STOX2: variants seen among roughly 807,000 people sequenced by gnomAD.
The protein encoded by STOX2 is storkhead-box protein 2.
Under a neutral mutation model 60.9 loss-of-function variants are expected in STOX2, and 28 were observed. The ratio of observed to expected loss-of-function variants is 0.46; its 90% CI spans 0.34 to 0.63. STOX2 has a LOEUF of 0.63. Ranked by LOEUF, STOX2 falls within the 30% of genes least tolerant of loss-of-function variation. The pLI, the probability that STOX2 is intolerant of heterozygous loss-of-function variation, is 0.01. For missense variants in STOX2, 1,024 were observed against 1,187.7 expected (o/e 0.86, Z 2.03); for synonymous variants, 472 against 463.9 (o/e 1.02, Z -0.22).
intron 1 of STOX2, among the ~76,000 whole-genome samples, chr4:183,931,593 T>C (rs556540854): frequency 6.6e-6 from 1 of 152,266 alleles, no homozygotes; most frequent in African/African-American, 2.4e-5. Flanking sequence ...ATGCAGACTA[T>C]TGTGAAAGAA....
intron 1 of STOX2, among the ~76,000 whole-genome samples, chr4:183,938,518 A>G (rs1372731308): frequency 6.6e-6 from 1 of 151,952 alleles, no homozygotes; most frequent in Admixed American, 6.5e-5. Context: ...AAAATACACA[A>G]ATTAGCTGGA....
In STOX2 at chr4:183,938,145, T is replaced by C. The variant is rs114787773; in HGVS notation, c.166+31189T>C. On this transcript the variant is annotated intron_variant, in intron 1 of 3. Transcript: ENST00000308497. ...TCCTGAGCGACAGAATGAGACCCTG[T>C]CTCAAGAAACAAAACAAAACAGTTC... Among the ~76,000 whole-genome samples, 1,367 of 152,258 alleles carry C rather than the reference T, an allele frequency of 9.0e-3. 28 individuals carry two copies. Among genetic ancestry groups the C allele is most frequent in the African/African-American group, 0.032 (1,316 of 41,542 alleles).
In STOX2 at chr4:184,001,279, C is replaced by G; in HGVS notation, c.167-46C>G. ...GTGAAGGCGTGTGTCTGACAGATGA[C>G]CGGGTCTTTTAATGAACCACTCACT... On this transcript the variant is annotated intron_variant, in intron 1 of 3. Coordinates refer to ENST00000308497, the MANE Select transcript of STOX2 (RefSeq NM_020225.3). The surrounding 1 kb of genome is among the most constrained non-coding windows in gnomAD (Gnocchi z 4.2). 1 of 1,599,978 alleles carries G rather than the reference C, an allele frequency of 6.3e-7. No individual in the cohort carries two copies. The highest frequency in any genetic ancestry group is 8.6e-7 in the Non-Finnish European group (1 of 1,169,060).
At chr4:183,820,929 C>T (rs962764100) in intron 1 of STOX2, among the ~76,000 whole-genome samples, 2 of 149,936 alleles carry the variant, frequency 1.3e-5, no homozygotes, top group Admixed American at 6.6e-5. Flanking sequence ...AGTGAGACCC[C>T]GTCTCTACAA....
chr4:183,913,509 G>A (rs903791121), intron 1 of STOX2, among the ~76,000 whole-genome samples: 2 of 152,022 alleles, frequency 1.3e-5, no homozygotes, highest in African/African-American at 4.8e-5. Context: ...GTGGTGGTTC[G>A]CGCCTATAAT....
chr4:183,934,217 C>T (rs1199712801), intron 1 of STOX2, among the ~76,000 whole-genome samples: 2 of 152,088 alleles, frequency 1.3e-5, no homozygotes, highest in Non-Finnish European at 2.9e-5. Flanking sequence ...TTAGGAGTAT[C>T]GCTTGAACCC....
chr4:183,951,078 T>C (rs7686657), intron 1 of STOX2, among the ~76,000 whole-genome samples: 5 of 151,060 alleles, frequency 3.3e-5, no homozygotes, highest in East Asian at 2.0e-4. Flanking sequence ...TAGCCGGGCG[T>C]GGTGGCGGGC....
chr4:183,883,247 C>T (rs1355543284), intron 1 of STOX2, among the ~76,000 whole-genome samples: 1 of 152,112 alleles, frequency 6.6e-6, no homozygotes, highest in African/African-American at 2.4e-5. Flanking sequence ...AATACTATTA[C>T]TAACCTAAGC....
At chr4:183,966,866 G>A (rs905650491) in intron 1 of STOX2, among the ~76,000 whole-genome samples, 3 of 152,100 alleles carry the variant, frequency 2.0e-5, no homozygotes, top group South Asian at 2.1e-4. Context: ...CAATGTCTTA[G>A]CTATTATATA....
At chr4:184,006,396 G>T (rs1277648503) in intron 2 of STOX2, among the ~76,000 whole-genome samples, 1 of 152,070 alleles carries the variant, frequency 6.6e-6, no homozygotes, top group Non-Finnish European at 1.5e-5. Flanking sequence ...CGGTGCAGAG[G>T]TGTGCCCTCA....
chr4:184,010,181 A>G lies in STOX2; in HGVS notation c.1343A>G (p.Lys448Arg), dbSNP rs755438901. 1 of 1,555,852 alleles carries G rather than the reference A, an allele frequency of 6.4e-7. No homozygotes were observed. Among genetic ancestry groups the G allele is most frequent in the Non-Finnish European group, 8.7e-7 (1 of 1,149,208 alleles). The part of the protein sequence containing the change: ...PEWDVSGELA[K>R]RRTEMPFPEP... The stretch of plus-strand genomic sequence containing the variant: ...TGGGATGTGTCTGGTGAATTGGCTA[A>G]AAGGAGAACTGAGATGCCTTTTCCT... The change falls in exon 3 of 4, where the codon AAA becomes AGA. Residue 448 changes from lysine to arginine, a missense_variant. Lys to Arg is a conservative substitution (Grantham distance 26). This residue lies in a region of STOX2 where 922 missense variants were observed against 1,058.3 expected (regional missense o/e 0.87). Coordinates refer to ENST00000308497, the MANE Select transcript of STOX2 (RefSeq NM_020225.3). This position sits in a 1 kb window ranked among gnomAD's most constrained non-coding sequence, Gnocchi z 4.5.
chr4:183,890,933 C>A (rs1330070666), intron 1 of STOX2, among the ~76,000 whole-genome samples: 2 of 151,966 alleles, frequency 1.3e-5, no homozygotes, highest in Non-Finnish European at 2.9e-5. Flanking sequence ...CACAGGGAGA[C>A]CCCATCTCTA....
chr4:183,841,222 TA>T (rs923083287), intron 1 of STOX2, among the ~76,000 whole-genome samples: 5 of 151,464 alleles, frequency 3.3e-5, no homozygotes, highest in African/African-American at 1.2e-4. Flanking sequence ...TATTTATTTA[TA>T]GACAGGTTCT....
At chr4:183,881,136 C>G (rs541697929) in intron 1 of STOX2, among the ~76,000 whole-genome samples, 2 of 152,214 alleles carry the variant, frequency 1.3e-5, no homozygotes, top group African/African-American at 4.8e-5. Context: ...CTCGCAAGCT[C>G]AGAGATTGTC....
At chr4:183,987,568 T>C (rs1432895287) in intron 1 of STOX2, 2 of 151,804 alleles carry the variant, frequency 1.3e-5, no homozygotes, top group South Asian at 2.1e-4. Flanking sequence ...CTCGGTGCGA[T>C]TGGAGTTGTG....
At chr4:183,996,945 T>G (rs1003761342) in intron 1 of STOX2, among the ~76,000 whole-genome samples, 1 of 152,230 alleles carries the variant, frequency 6.6e-6, no homozygotes, top group Non-Finnish European at 1.5e-5. Context: ...TCCTTTAAGA[T>G]GACTAAGAAA....
At chr4:183,994,933 GA>G (rs1298797575) in intron 1 of STOX2, among the ~76,000 whole-genome samples, 4 of 151,616 alleles carry the variant, frequency 2.6e-5, no homozygotes, top group African/African-American at 9.7e-5. Flanking sequence ...GTTGGTGCTT[GA>G]AAAAAAAATT....
chr4:183,964,254 A>C (rs558242865), intron 1 of STOX2, among the ~76,000 whole-genome samples: 2 of 152,292 alleles, frequency 1.3e-5, no homozygotes, highest in South Asian at 4.1e-4. Context: ...TTAATATTCA[A>C]ATGTTATGTT....
At chr4:184,012,703 T>C (rs1734216007) in intron 3 of STOX2, among the ~76,000 whole-genome samples, 1 of 152,156 alleles carries the variant, frequency 6.6e-6, no homozygotes, top group South Asian at 2.1e-4. Flanking sequence ...GTGGTGACAG[T>C]GGAGACTATG....
Sources: allele counts gnomAD v4.1 joint callset (sites outside exome capture counted in the v4.1 genomes callset), GRCh38; gene constraint gnomAD v4.1.1; regional missense constraint gnomAD v4.1.1; non-coding constraint Gnocchi (gnomAD v3.1); transcripts MANE v1.5; gene names NCBI Gene and HGNC (gene_info 2026-07-23, HGNC 2026-07-21).